Variants in VPS13C observed in about 807,000 individuals in gnomAD.
VPS13C encodes vacuolar protein sorting 13 homolog C.
A neutral mutation model predicts 456.8 loss-of-function variants in VPS13C; 358 were observed. That is an observed-to-expected ratio of 0.78 (90% CI 0.72 to 0.86). The LOEUF is 0.86. Among genes scored for constraint, VPS13C ranks in the 40% least tolerant of loss-of-function variants. The pLI is 0.00. For synonymous variants in VPS13C, 1,578 were observed against 1,486.7 expected, an observed-to-expected ratio of 1.06 and a Z score of -1.41; for missense variants, 4,818 against 4,385.4, an observed-to-expected ratio of 1.10 and a Z score of -2.79.
In VPS13C at chr15:61,969,474, A is replaced by T. The variant is rs757364725; in HGVS notation, c.2758-22T>A. On this transcript the variant is annotated intron_variant, in intron 27 of 84. Transcript: ENST00000644861. ...TCACCTAAAAGAATTAGAGTCAATG[A>T]AAAGTTGATAAGAAGTCTGAATCAT... is the stretch of plus-strand genomic sequence containing the variant. The T allele has an allele frequency of 9.5e-6, 14 of 1,469,902 alleles. No individual in the cohort carries two copies. In the South Asian group the frequency reaches 2.0e-4, roughly 21 times the overall value. 91.1% of individuals were successfully genotyped at this position (1,469,902 alleles called of 1,614,324 possible). A position where few individuals can be genotyped will look rare whatever the true frequency, so the allele number is the denominator to read the frequency against.
intron 3 of VPS13C, among the ~76,000 whole-genome samples, 185 bp from the exon 4 acceptor site, chr15:62,035,237 T>C (rs1411889649): frequency 6.6e-6 from 1 of 151,978 alleles, no homozygotes; most frequent in Non-Finnish European, 1.5e-5. Context: ...TACTATTAAG[T>C]GAATAGTCAC....
intron 9 of VPS13C, among the ~76,000 whole-genome samples, chr15:62,015,117 T>G (rs1364347337): frequency 6.6e-6 from 1 of 152,162 alleles, no homozygotes; most frequent in Non-Finnish European, 1.5e-5. Context: ...AAGCTCAAAG[T>G]TACTCTGCTC....
At chr15:61,898,546 G>T (rs1276156392) in intron 66 of VPS13C, among the ~76,000 whole-genome samples, 1 of 152,148 alleles carries the variant, frequency 6.6e-6, no homozygotes, top group Non-Finnish European at 1.5e-5. Context: ...TCAACAAGAA[G>T]AGCTAACTTT....
intron 51 of VPS13C, 61 bp from the exon 52 acceptor site, chr15:61,927,381 T>A: frequency 7.6e-7 from 1 of 1,312,084 alleles, no homozygotes; most frequent in Non-Finnish European, 1.1e-6. Flanking sequence ...TTTGACTACA[T>A]GTTATCTACA....
chr15:61,935,013 A>C (rs2044179620), intron 48 of VPS13C, among the ~76,000 whole-genome samples: 1 of 152,176 alleles, frequency 6.6e-6, no homozygotes. Flanking sequence ...GGCCTCCCAA[A>C]GTGCTGGGAT....
intron 1 of VPS13C, among the ~76,000 whole-genome samples, chr15:62,059,171 T>TC (rs2048904302): frequency 6.6e-6 from 1 of 152,236 alleles, no homozygotes; most frequent in Admixed American, 6.5e-5. Context: ...ATTATTTTTT[T>TC]CTCCTACTTC....
intron 2 of VPS13C, among the ~76,000 whole-genome samples, chr15:62,042,047 T>C (rs2140717268): frequency 6.6e-6 from 1 of 152,278 alleles, no homozygotes; most frequent in African/African-American, 2.4e-5. Context: ...TCTTTTTGCA[T>C]AAATTAGTTG....
chr15:62,001,739 G>A (rs1596458581), intron 15 of VPS13C, among the ~76,000 whole-genome samples: 1 of 152,022 alleles, frequency 6.6e-6, no homozygotes, highest in African/African-American at 2.4e-5. Flanking sequence ...TCATTGTTCA[G>A]TTCCCACCCA....
At position 61,958,497 on chromosome 15, in the gene VPS13C, C is replaced by A. The variant is rs549448746; in HGVS notation, c.4165+111G>T. The stretch of plus-strand genomic sequence containing the variant: ...CATCTTGTTTGTTTACTCGGTAATA[C>A]AAACTGCAATTTGTAAACATATATT... On this transcript the variant is annotated intron_variant, in intron 37 of 84. Coordinates refer to ENST00000644861, the MANE Select transcript of VPS13C (RefSeq NM_020821.3). 8.2e-5 allele frequency: 54 copies of A among 654,960 alleles called. No individual in the cohort carries two copies. In the African/African-American group the frequency reaches 9.6e-4, roughly 12 times the overall value. The allele number at this position is 654,960 out of a possible 1,614,324, so 40.6% of individuals were successfully genotyped here.
At chr15:62,028,015 G>C (rs911337747) in intron 6 of VPS13C, among the ~76,000 whole-genome samples, 27 of 151,976 alleles carry the variant, frequency 1.8e-4, no homozygotes, top group African/African-American at 6.3e-4. Flanking sequence ...GCTTAATTCA[G>C]AAACTACTGA....
At position 61,867,405 on chromosome 15, in the gene VPS13C, G is replaced by T; in HGVS notation, c.10863+1254C>A. 1 of 985,894 alleles carries T rather than the reference G, an allele frequency of 1.0e-6. No homozygotes were observed. The highest frequency in any genetic ancestry group is 1.2e-6 in the Non-Finnish European group (1 of 830,390). The allele number at this position is 985,894 out of a possible 1,614,324, so 61.1% of individuals were successfully genotyped here. A position where few individuals can be genotyped will look rare whatever the true frequency, so the allele number is the denominator to read the frequency against. ...AACTATTTATTACTTGAGGTCTAAG[G>T]GCAGGCTCAGAGCAACTGACAATTC... On this transcript the variant is annotated intron_variant, in intron 81 of 84. Transcript: ENST00000644861. This position sits in a 1 kb window ranked among gnomAD's most constrained non-coding sequence, Gnocchi z 5.0.
chr15:61,999,379 CAA>C (rs200452220), intron 16 of VPS13C, among the ~76,000 whole-genome samples: 16 of 115,980 alleles, frequency 1.4e-4, no homozygotes, highest in South Asian at 2.7e-4. Flanking sequence ...GACTCCATCT[CAA>C]AAAAAAAAAA....
intron 67 of VPS13C, among the ~76,000 whole-genome samples, chr15:61,884,784 G>A (rs771853391): frequency 6.6e-6 from 1 of 151,934 alleles, no homozygotes; most frequent in Non-Finnish European, 1.5e-5. Context: ...AATCTGTAAT[G>A]AGCATCTTTA....
intron 1 of VPS13C, among the ~76,000 whole-genome samples, chr15:62,050,770 C>T (rs2048590676): frequency 6.7e-6 from 1 of 150,102 alleles, no homozygotes; most frequent in South Asian, 2.1e-4. Context: ...CCACTGCACT[C>T]CAGCCTCAGT....
At chr15:62,060,204 AATCCCGG>A (rs2048953348) in intron 1 of VPS13C, 64 bp downstream of exon 1, 1 of 850,200 alleles carries the variant, frequency 1.2e-6, no homozygotes, top group East Asian at 3.2e-5. Context: ...GCCCGGGCAG[AATCCCGG>A]ACGGAGCAGC....
chr15:61,901,503 A>G (rs939903938), intron 66 of VPS13C, among the ~76,000 whole-genome samples: 6 of 152,240 alleles, frequency 3.9e-5, no homozygotes, highest in Non-Finnish European at 7.3e-5. Flanking sequence ...CAAAAAACAC[A>G]TGAAAAAATG....
At chr15:61,870,627 ATCT>A (rs1894950777) in intron 79 of VPS13C, among the ~76,000 whole-genome samples, 1 of 152,162 alleles carries the variant, frequency 6.6e-6, no homozygotes, top group African/African-American at 2.4e-5. Context: ...CTGTTTTCAA[ATCT>A]TCTGGGTATA....
chr15:61,989,888 G>A (rs1382315266), intron 18 of VPS13C, among the ~76,000 whole-genome samples: 2 of 152,118 alleles, frequency 1.3e-5, no homozygotes, highest in African/African-American at 4.8e-5. Context: ...CATATCCTAT[G>A]ACTCAGCAAT....
rs1461117816 is a variant in VPS13C at position 61,972,716 on chromosome 15, C to G, written c.2666G>C (p.Cys889Ser). ...AAGTTCTGATCCTTTCATACTTTTACAAGTCTGTGGTTCTCCATCTTCAGC... is the reference window on the plus strand; with the variant it reads ...AAGTTCTGATCCTTTCATACTTTTAGAAGTCTGTGGTTCTCCATCTTCAGC... ...FDAEDGEPQT[C>S]KSMKGSELKK... Residue 889 changes from cysteine (C) to serine (S), a missense_variant, in exon 27 of 85, where the codon TGT (cysteine) becomes TCT (serine). By Grantham distance (112) the Cys-to-Ser change is moderately radical (BLOSUM62 -1). Around this residue, in one of 3 missense-constraint regions of VPS13C, gnomAD observed 4,552 missense variants for 4,130.6 expected, o/e 1.10. Coordinates refer to ENST00000644861, the MANE Select transcript of VPS13C (RefSeq NM_020821.3). The G allele has an allele frequency of 6.2e-7, 1 of 1,613,070 alleles. No homozygotes were observed. Among genetic ancestry groups the G allele is most frequent in the South Asian group, 1.1e-5 (1 of 91,036 alleles).
Sources: allele counts gnomAD v4.1 joint callset (sites outside exome capture counted in the v4.1 genomes callset), GRCh38; gene constraint gnomAD v4.1.1; regional missense constraint gnomAD v4.1.1; non-coding constraint Gnocchi (gnomAD v3.1); transcripts MANE v1.5; gene names NCBI Gene and HGNC (gene_info 2026-07-23, HGNC 2026-07-21).